The following PRKN variants were observed in gnomAD, a reference collection of about 807,000 sequenced individuals.
PRKN encodes E3 ubiquitin-protein ligase parkin.
Under a neutral mutation model 59.5 loss-of-function variants are expected in PRKN, and 56 were observed. That is an observed-to-expected ratio of 0.94 (90% confidence interval 0.76 to 1.18). The LOEUF (loss-of-function observed/expected upper bound fraction) is 1.18. Among genes scored for constraint, PRKN ranks in the 50% most tolerant of loss-of-function variants. The pLI is 0.00. For missense variants in PRKN, 657 were observed against 596.4 expected (o/e 1.10, Z -1.06); for synonymous variants, 250 against 222.1 (o/e 1.13, Z -1.12).
chr6:162,134,383 TTTTG>T (rs1407488502), intron 4 of PRKN, among the ~76,000 whole-genome samples: 11 of 152,200 alleles, frequency 7.2e-5, no homozygotes, highest in African/African-American at 1.2e-4. Context: ...CTTTCCTTTG[TTTTG>T]TTTGTTTATT....
Position 162,256,752 on chromosome 6 carries a change from C to T in PRKN, c.412+5773G>A, listed in dbSNP as rs769951719. ...GACACTACCATTTGTAGAGGCCTGT[C>T]GTTAGAAGAGCACACTGTCCAGCCA... On this transcript the variant is annotated intron_variant, in intron 3 of 11. Coordinates refer to ENST00000366898, the MANE Select transcript of PRKN (RefSeq NM_004562.3). Among the ~76,000 whole-genome samples, 4 of 152,134 alleles carry T rather than the reference C, an allele frequency of 2.6e-5. 1 individual carries two copies. Among genetic ancestry groups the T allele is most frequent in the Non-Finnish European group, 5.9e-5 (4 of 68,026 alleles).
intron 2 of PRKN, among the ~76,000 whole-genome samples, chr6:162,378,193 G>A (rs1276134408): frequency 6.6e-6 from 1 of 152,188 alleles, no homozygotes; most frequent in Non-Finnish European, 1.5e-5. Context: ...GGACAGAGAA[G>A]AGACAGAAAT....
chr6:162,078,373 T>TAGAA (rs1778920767), intron 4 of PRKN, among the ~76,000 whole-genome samples: 2 of 152,074 alleles, frequency 1.3e-5, no homozygotes, highest in Non-Finnish European at 2.9e-5. Context: ...TATTAATACA[T>TAGAA]TTATTCATAG....
chr6:162,600,601 G>A (rs377326105), intron 1 of PRKN, among the ~76,000 whole-genome samples: 4 of 152,176 alleles, frequency 2.6e-5, no homozygotes, highest in African/African-American at 7.2e-5. Flanking sequence ...ATCTCATGTT[G>A]AAATGTAATC....
chr6:162,611,627 A>G (rs910465475), intron 1 of PRKN, among the ~76,000 whole-genome samples: 1 of 152,174 alleles, frequency 6.6e-6, no homozygotes, highest in African/African-American at 2.4e-5. Flanking sequence ...ATTTACAAGA[A>G]AAGTGCCAGG....
intron 3 of PRKN, among the ~76,000 whole-genome samples, chr6:162,256,699 A>C (rs1779651791): frequency 6.6e-6 from 1 of 152,164 alleles, no homozygotes; most frequent in Non-Finnish European, 1.5e-5. Context: ...TTCACTGGCC[A>C]TGTAGGCCTC....
intron 1 of PRKN, among the ~76,000 whole-genome samples, chr6:162,496,898 T>A (rs1793088100): frequency 1.3e-5 from 2 of 152,212 alleles, no homozygotes; most frequent in Admixed American, 1.3e-4. Flanking sequence ...TGAATGTCTA[T>A]CTGCCACTGT....
intron 2 of PRKN, among the ~76,000 whole-genome samples, chr6:162,405,680 T>C (rs1788022518): frequency 6.6e-6 from 1 of 152,090 alleles, no homozygotes; most frequent in Non-Finnish European, 1.5e-5. Flanking sequence ...GGTGTCCTTA[T>C]AGGAAGGCAA....
intron 5 of PRKN, among the ~76,000 whole-genome samples, chr6:162,036,120 A>C (rs965560293): frequency 1.2e-3 from 187 of 151,840 alleles, no homozygotes; most frequent in African/African-American, 4.1e-3. Flanking sequence ...GTCAGGAGAT[A>C]GAGACGATCC....
chr6:161,578,553 C>A lies in PRKN; in HGVS notation c.872-9137G>T, dbSNP rs1479692659. On this transcript the variant is annotated intron_variant, in intron 7 of 11. Coordinates refer to ENST00000366898, the MANE Select transcript of PRKN (RefSeq NM_004562.3). This position sits in a 1 kb window ranked among gnomAD's most constrained non-coding sequence, Gnocchi z 4.2. The stretch of plus-strand genomic sequence containing the variant: ...GACCCCAAACTACTATGTCATTGAT[C>A]TGCTCAACTCCAATCAGTTTCCCAC... Among the ~76,000 whole-genome samples the A allele has an allele frequency of 6.6e-6, 1 of 152,188 alleles. No homozygotes were observed. The highest frequency in any genetic ancestry group is 1.5e-5 in the Non-Finnish European group (1 of 68,028).
intron 1 of PRKN, among the ~76,000 whole-genome samples, chr6:162,501,513 AAT>A (rs1562335614): frequency 7.9e-6 from 1 of 126,570 alleles, no homozygotes; most frequent in Non-Finnish European, 1.7e-5. Context: ...ACGCCTGGTT[AAT>A]TTTTTTTTTT....
chr6:161,875,406 C>G (rs1231837315), intron 6 of PRKN, among the ~76,000 whole-genome samples: 2 of 151,760 alleles, frequency 1.3e-5, no homozygotes, highest in Non-Finnish European at 2.9e-5. Context: ...GTTGGGCAGG[C>G]TGGTCACAAC....
At position 162,011,103 on chromosome 6, in the gene PRKN, T is replaced by TAA. The variant is rs1491458007; in HGVS notation, c.619-37687_619-37686insTT. ...AATATATATTATAATATATAATATA[T>TAA]TTATAATATATAATATATTTATAAT... On this transcript the variant is annotated intron_variant, in intron 5 of 11. Transcript: ENST00000366898. Among the ~76,000 whole-genome samples, 11 of 2,586 alleles carry TAA rather than the reference T, an allele frequency of 4.3e-3. 1 individual carries two copies. The highest frequency in any genetic ancestry group is 0.02 in the African/African-American group (8 of 398). The allele number at this position is 2,586 out of a possible 152,430, so 1.7% of individuals were successfully genotyped here.
chr6:162,482,514 A>C (rs1020892801), intron 1 of PRKN, among the ~76,000 whole-genome samples: 2 of 152,190 alleles, frequency 1.3e-5, no homozygotes, highest in African/African-American at 4.8e-5. Flanking sequence ...ATCAGGGGTT[A>C]AGCTACGTAA....
intron 7 of PRKN, among the ~76,000 whole-genome samples, chr6:161,697,426 A>G (rs985479799): frequency 6.6e-6 from 1 of 152,200 alleles, no homozygotes; most frequent in African/African-American, 2.4e-5. Flanking sequence ...CTGTTGCTTC[A>G]GTAAGAGCAC....
At chr6:161,916,827 C>T (rs962653869) in intron 6 of PRKN, among the ~76,000 whole-genome samples, 1 of 152,066 alleles carries the variant, frequency 6.6e-6, no homozygotes, top group Non-Finnish European at 1.5e-5. Context: ...GAGGCGGAGT[C>T]GCGCTCTGTC....
intron 4 of PRKN, among the ~76,000 whole-genome samples, chr6:162,147,407 A>C (rs1055489985): frequency 6.6e-6 from 1 of 151,726 alleles, no homozygotes; most frequent in Non-Finnish European, 1.5e-5. Context: ...GCTACTTCCA[A>C]TCTCTTTCTT....
At chr6:161,636,819 T>C (rs1582924973) in intron 7 of PRKN, among the ~76,000 whole-genome samples, 1 of 152,028 alleles carries the variant, frequency 6.6e-6, no homozygotes. Context: ...TTACAGGCTG[T>C]TTCAGAGCTT....
At chr6:162,131,680 T>C (rs1562531178) in intron 4 of PRKN, among the ~76,000 whole-genome samples, 1 of 152,240 alleles carries the variant, frequency 6.6e-6, no homozygotes, top group Non-Finnish European at 1.5e-5. Context: ...CCAGTAGGTG[T>C]AAATATATGC....
Sources: allele counts gnomAD v4.1 joint callset (sites outside exome capture counted in the v4.1 genomes callset), GRCh38; gene constraint gnomAD v4.1.1; non-coding constraint Gnocchi (gnomAD v3.1); transcripts MANE v1.5; gene names NCBI Gene and HGNC (gene_info 2026-07-23, HGNC 2026-07-21).